The following TC2N variants were observed in gnomAD, a reference collection of about 807,000 sequenced individuals.
TC2N encodes the protein tandem C2 domains nuclear protein.
TC2N carries 51 observed loss-of-function variants against 61.9 expected under a neutral mutation model. The observed-to-expected ratio is 0.82, with a 90% CI of 0.66 to 1.04. The LOEUF is 1.04. Ranked by LOEUF, TC2N falls within the 50% of genes least tolerant of loss-of-function variation. The probability of loss-of-function intolerance (pLI) is 0.00; values close to 1 mark genes in which losing one functional copy is unlikely to be tolerated. For missense variants in TC2N, 556 were observed against 566.7 expected (o/e 0.98, Z 0.19); for synonymous variants, 204 against 192.6 (o/e 1.06, Z -0.49).
intron 9 of TC2N, among the ~76,000 whole-genome samples, chr14:91,788,648 A>C (rs977243991): frequency 3.9e-5 from 6 of 152,182 alleles, no homozygotes; most frequent in African/African-American, 1.4e-4. Flanking sequence ...CAACAAAAAA[A>C]CAACAAAAAC....
chr14:91,825,267 C>T (rs548456149), intron 1 of TC2N, among the ~76,000 whole-genome samples: 20 of 151,948 alleles, frequency 1.3e-4, no homozygotes, highest in African/African-American at 4.8e-4. Context: ...CTCCTAACCT[C>T]GTGATCCACC....
intron 1 of TC2N, among the ~76,000 whole-genome samples, chr14:91,845,556 T>G (rs1313109308): frequency 6.6e-6 from 1 of 152,260 alleles, no homozygotes; most frequent in African/African-American, 2.4e-5. Flanking sequence ...GACAGAATTC[T>G]GATGGTTACA....
intron 9 of TC2N, among the ~76,000 whole-genome samples, chr14:91,788,074 T>C (rs1885454762): frequency 6.6e-6 from 1 of 151,990 alleles, no homozygotes; most frequent in Non-Finnish European, 1.5e-5. Flanking sequence ...GAGTAGGTGC[T>C]ACCACAATCA....
chr14:91,784,692 T>C (rs1383646885), intron 11 of TC2N, among the ~76,000 whole-genome samples: 3 of 152,164 alleles, frequency 2.0e-5, no homozygotes, highest in African/African-American at 7.2e-5. Flanking sequence ...CAGACAGTAG[T>C]ATTAACTAAA....
intron 1 of TC2N, among the ~76,000 whole-genome samples, chr14:91,863,066 G>A (rs951122427): frequency 5.3e-5 from 8 of 152,222 alleles, no homozygotes; most frequent in African/African-American, 1.9e-4. Context: ...TAGAAAGACT[G>A]GTGTGGAAAG....
intron 4 of TC2N, among the ~76,000 whole-genome samples, 164 bp downstream of exon 4, chr14:91,802,090 T>C (rs1176134339): frequency 6.6e-6 from 1 of 152,248 alleles, no homozygotes; most frequent in African/African-American, 2.4e-5. Context: ...ATATTAGATA[T>C]AATACTACAG....
Position 91,799,045 on chromosome 14 carries a change from C to A in TC2N, c.581G>T (p.Ser194Ile), listed in dbSNP as rs763893277. 6.3e-7 allele frequency: 1 copy of A among 1,583,912 alleles called. No individual in the cohort carries two copies. The highest frequency in any genetic ancestry group is 8.6e-7 in the Non-Finnish European group (1 of 1,169,586). ...CCTTGAAGAAGAACTACTGGGTACACTGGACAATGAATCATGTCTCTATAA... is the reference window on the plus strand; with the variant it reads ...CCTTGAAGAAGAACTACTGGGTACAATGGACAATGAATCATGTCTCTATAA... ...RFIQRHDSLS[S>I]VPSSSSSRKN... is the part of the protein sequence containing the mutation. The change falls in exon 6 of 12, where the codon AGT (serine) becomes ATT (isoleucine). Residue 194 changes from serine (S) to isoleucine (I), a missense_variant. Physicochemically the swap from Ser to Ile is moderately radical, Grantham distance 142. Transcript: ENST00000435962.
rs527582765 is a variant in TC2N, at chr14:91,786,953, T to A, written c.1162+560A>T. Reference sequence around the variant, plus strand: ...AATGCTCAGTTTCATTTATTTTTAGTCTTTCTAGTTACGGTGAACATGCAT... The same window carrying A: ...AATGCTCAGTTTCATTTATTTTTAGACTTTCTAGTTACGGTGAACATGCAT... On this transcript the variant is annotated intron_variant, in intron 10 of 11. Transcript: ENST00000435962. 7.6e-4 allele frequency among the ~76,000 whole-genome samples: 116 copies of A among 152,290 alleles called. 1 individual carries two copies. The highest frequency in any genetic ancestry group is 2.7e-3 in the African/African-American group (113 of 41,556).
At position 91,809,418 on chromosome 14, in the gene TC2N, A is replaced by ATTTTAATTTAAAATTTAAAT. The variant is rs1886667823; in HGVS notation, c.301+2893_301+2894insATTTAAATTTTAAATTAAAA. On this transcript the variant is annotated intron_variant, in intron 3 of 11. Coordinates refer to ENST00000435962, the MANE Select transcript of TC2N (RefSeq NM_001128596.3). ...GTGAGACTCTGTCTCAAAAAAACAAATTTTAATTTAAAATTTAAAAAATCA... is the reference window on the plus strand; with the variant it reads ...GTGAGACTCTGTCTCAAAAAAACAAATTTTAATTTAAAATTTAAATTTTTAATTTAAAATTTAAAAAATCA... Among the ~76,000 whole-genome samples the ATTTTAATTTAAAATTTAAAT allele has an allele frequency of 2.0e-5, 3 of 152,150 alleles. No individual in the cohort carries two copies. In the South Asian group the frequency reaches 6.2e-4, roughly 32 times the overall value.
chr14:91,852,315 C>T (rs61990133), intron 1 of TC2N, among the ~76,000 whole-genome samples: 18,651 of 152,154 alleles, frequency 0.12, 1,381 homozygotes, highest in East Asian at 0.23. Context: ...CCTGTAGTCC[C>T]AGCTACTCGG....
intron 3 of TC2N, among the ~76,000 whole-genome samples, chr14:91,803,380 T>TACACAC (rs57274606): frequency 0.025 from 3,599 of 145,482 alleles, 111 homozygotes; most frequent in South Asian, 0.08. Flanking sequence ...CATACATATA[T>TACACAC]ACACACACAC....
intron 1 of TC2N, among the ~76,000 whole-genome samples, chr14:91,856,090 A>G (rs974297571): frequency 2.0e-5 from 3 of 152,232 alleles, no homozygotes; most frequent in Admixed American, 6.5e-5. Flanking sequence ...TGAGCATGAA[A>G]GACAGATGAG....
Position 91,812,478 on chromosome 14 carries a change from T to G in TC2N, c.135A>C (p.Pro45=), listed in dbSNP as rs1328191944. ...NSQNATISVP[P]LTSVSVKPQL... is the part of the protein sequence containing the mutation. Reference sequence around the variant, plus strand: ...GAGGCTTTACAGAAACAGAAGTCAATGGAGGTACAGAGATAGTAGCATTTT... The same window carrying G: ...GAGGCTTTACAGAAACAGAAGTCAAGGGAGGTACAGAGATAGTAGCATTTT... Residue 45 remains proline (P), a synonymous_variant, in exon 3 of 12, where the codon CCA becomes CCC. Coordinates refer to ENST00000435962, the MANE Select transcript of TC2N (RefSeq NM_001128596.3). 1 of 1,612,264 alleles carries G rather than the reference T, an allele frequency of 6.2e-7. No homozygotes were observed.
intron 7 of TC2N, 38 bp from the exon 8 acceptor site, chr14:91,797,939 G>T: frequency 7.9e-7 from 1 of 1,260,534 alleles, no homozygotes; most frequent in Non-Finnish European, 1.1e-6. Context: ...TTTTACAAAG[G>T]ATCCAACAAT....
intron 3 of TC2N, among the ~76,000 whole-genome samples, chr14:91,808,919 T>C (rs1886640997): frequency 6.6e-6 from 1 of 152,182 alleles, no homozygotes; most frequent in Non-Finnish European, 1.5e-5. Context: ...CACAACATAT[T>C]ATGTGGATGA....
Position 91,812,458 on chromosome 14 carries a change from T to G in TC2N, c.155A>C (p.Lys52Thr), listed in dbSNP as rs1393878593. The G allele has an allele frequency of 6.2e-7, 1 of 1,612,152 alleles. No homozygotes were observed. The highest frequency in any genetic ancestry group is 8.5e-7 in the Non-Finnish European group (1 of 1,178,646). The change falls in exon 3 of 12, where the codon AAG (lysine) becomes ACG (threonine). Residue 52 changes from lysine (K) to threonine (T), a missense_variant. Physicochemically the swap from Lys to Thr is moderately conservative, Grantham distance 78. Transcript: ENST00000435962. ...ATCCTCAGTACAGCCAAGCTGAGGC[T>G]TTACAGAAACAGAAGTCAATGGAGG... ...SVPPLTSVSV[K>T]PQLGCTEDYL...
intron 1 of TC2N, among the ~76,000 whole-genome samples, chr14:91,814,094 C>T (rs929281894): frequency 6.7e-6 from 1 of 149,316 alleles, no homozygotes; most frequent in African/African-American, 2.5e-5. Flanking sequence ...TTTTCTTTCA[C>T]GAAAAATAAG....
chr14:91,785,977 A>C (rs1232134774), intron 10 of TC2N, among the ~76,000 whole-genome samples: 1 of 152,056 alleles, frequency 6.6e-6, no homozygotes, highest in African/African-American at 2.4e-5. Flanking sequence ...ATAGCTTTTC[A>C]CCTAAGCATA....
At chr14:91,856,315 C>T (rs953820564) in intron 1 of TC2N, among the ~76,000 whole-genome samples, 7 of 151,944 alleles carry the variant, frequency 4.6e-5, no homozygotes, top group Non-Finnish European at 8.8e-5. Flanking sequence ...ATGGTGAAAC[C>T]CTGTCTTTAC....
Sources: gnomAD v4.1 joint callset for allele counts (sites outside exome capture counted in the v4.1 genomes callset) on GRCh38, gnomAD v4.1.1 for gene constraint, MANE v1.5 for transcripts, NCBI Gene and HGNC (gene_info 2026-07-23, HGNC 2026-07-21) for gene names.